The following CWC22 variants were observed in gnomAD, a reference collection of about 807,000 sequenced individuals.
The protein encoded by CWC22 is CWC22 spliceosome associated protein, also known as pre-mRNA-splicing factor CWC22 homolog.
In CWC22, 53 loss-of-function variants were observed where a neutral mutation model predicts 117.2. The ratio of observed to expected loss-of-function variants is 0.45; its 90% CI spans 0.36 to 0.57. CWC22 has a LOEUF of 0.57. CWC22 is among the 20% of genes least tolerant of loss of function. The pLI, the probability that CWC22 is intolerant of heterozygous loss-of-function variation, is 0.00. For missense variants in CWC22, 980 were observed against 1,068.8 expected (o/e 0.92, Z 1.16); for synonymous variants, 360 against 355.6 (o/e 1.01, Z -0.14).
At chr2:179,951,437 A>G (rs1461796549) in intron 17 of CWC22, among the ~76,000 whole-genome samples, 1 of 151,990 alleles carries the variant, frequency 6.6e-6, no homozygotes, top group Non-Finnish European at 1.5e-5. Context: ...AACCAGAAAG[A>G]CACTAACAAT....
In CWC22 at chr2:179,978,200, C is replaced by G. The variant is rs746434036; in HGVS notation, c.571G>C (p.Val191Leu). Reference sequence around the variant, plus strand: ...ATAGCCAATACTTACCTTCCTCTAACTATATTTTCTTGAAGAAGCTCTTGA... The same window carrying G: ...ATAGCCAATACTTACCTTCCTCTAAGTATATTTTCTTGAAGAAGCTCTTGA... ...IIQELLQENI[V>L]RGRGLLSRSV... The change falls in exon 6 of 20, where the codon GTT (valine) becomes CTT (leucine). Residue 191 changes from valine (V) to leucine (L), a missense_variant. Physicochemically the swap from Val to Leu is conservative, Grantham distance 32. This residue lies in a region of CWC22 where 559 missense variants were observed against 602.3 expected (regional missense o/e 0.93). Coordinates refer to ENST00000410053, the MANE Select transcript of CWC22 (RefSeq NM_020943.3). The G allele has an allele frequency of 6.5e-7, 1 of 1,534,402 alleles. No individual in the cohort carries two copies. The highest frequency in any genetic ancestry group is 8.7e-7 in the Non-Finnish European group (1 of 1,147,028).
chr2:179,948,345 T>G (rs1686360885), intron 19 of CWC22, among the ~76,000 whole-genome samples: 1 of 151,946 alleles, frequency 6.6e-6, no homozygotes, highest in South Asian at 2.1e-4. Flanking sequence ...TAGAAGAAAT[T>G]CAATTACTAG....
chr2:180,004,409 T>G (rs1025899921), intron 1 of CWC22, among the ~76,000 whole-genome samples: 3 of 152,158 alleles, frequency 2.0e-5, no homozygotes, highest in Non-Finnish European at 4.4e-5. Flanking sequence ...TTTTTTTTCT[T>G]GAGACAGAGG....
intron 1 of CWC22, among the ~76,000 whole-genome samples, chr2:179,996,831 T>TA (rs59254022): frequency 0.66 from 98,645 of 148,634 alleles, 32,950 homozygotes; most frequent in Middle Eastern, 0.72. Flanking sequence ...TGTTAAAAGA[T>TA]AAAAAAAAAA....
At chr2:179,982,587 G>C (rs775984200) in intron 4 of CWC22, among the ~76,000 whole-genome samples, 3 of 152,278 alleles carry the variant, frequency 2.0e-5, no homozygotes, top group Non-Finnish European at 4.4e-5. Context: ...AATATTTGAA[G>C]TTGTTTCTTG....
At chr2:179,968,444 T>G (rs981688171) in intron 11 of CWC22, among the ~76,000 whole-genome samples, 1 of 152,212 alleles carries the variant, frequency 6.6e-6, no homozygotes, top group African/African-American at 2.4e-5. Flanking sequence ...GAAACAGATA[T>G]GAGAGTCCAG....
intron 18 of CWC22, 29 bp from the exon 19 acceptor site, chr2:179,950,761 T>C (rs779706315): frequency 6.2e-7 from 1 of 1,604,798 alleles, no homozygotes; most frequent in South Asian, 1.1e-5. Flanking sequence ...TGTTAGATTC[T>C]ATTTCAAAGA....
At chr2:179,972,437 A>G (rs1261699800) in intron 8 of CWC22, among the ~76,000 whole-genome samples, 1 of 152,232 alleles carries the variant, frequency 6.6e-6, no homozygotes. Context: ...ATTAAAATCG[A>G]TCAACTCTAT....
At chr2:179,957,504 A>G (rs1287496637) in intron 14 of CWC22, among the ~76,000 whole-genome samples, 1 of 152,222 alleles carries the variant, frequency 6.6e-6, no homozygotes, top group African/African-American at 2.4e-5. Flanking sequence ...CAATATATCA[A>G]TGAATGAGTC....
intron 1 of CWC22, among the ~76,000 whole-genome samples, chr2:180,000,920 C>T (rs1478269206): frequency 6.6e-6 from 1 of 152,078 alleles, no homozygotes; most frequent in Admixed American, 6.5e-5. Flanking sequence ...CATTCATTTC[C>T]TGTATCATGA....
intron 1 of CWC22, among the ~76,000 whole-genome samples, chr2:180,003,793 C>A (rs947023628): frequency 6.6e-6 from 1 of 152,176 alleles, no homozygotes; most frequent in East Asian, 1.9e-4. Flanking sequence ...CACTAGCTAA[C>A]CCATTCCACA....
At position 179,993,373 on chromosome 2, in the gene CWC22, G is replaced by T; in HGVS notation, c.-32C>A. On this transcript the variant is annotated 5_prime_UTR_variant, in exon 2 of 20. Transcript: ENST00000410053. The stretch of plus-strand genomic sequence containing the variant: ...TTGCCAGTTGGTCCAATAAATCAAA[G>T]ATGCTTCAAACTGGTCCAAATAACA... The T allele has an allele frequency of 6.5e-7, 1 of 1,536,454 alleles. No individual in the cohort carries two copies. Among genetic ancestry groups the T allele is most frequent in the Non-Finnish European group, 8.9e-7 (1 of 1,129,732 alleles).
intron 19 of CWC22, among the ~76,000 whole-genome samples, chr2:179,949,721 T>C (rs573854215): frequency 2.0e-5 from 3 of 152,292 alleles, no homozygotes; most frequent in African/African-American, 7.2e-5. Flanking sequence ...AAAAGATATG[T>C]ACAAGAATAT....
chr2:180,003,237 G>A (rs560650158), intron 1 of CWC22, among the ~76,000 whole-genome samples: 2 of 152,236 alleles, frequency 1.3e-5, no homozygotes, highest in South Asian at 4.2e-4. Context: ...GTTAACCTGT[G>A]GAACAGCTTG....
chr2:179,959,335 T>C (rs906400033), intron 13 of CWC22, among the ~76,000 whole-genome samples: 1 of 152,148 alleles, frequency 6.6e-6, no homozygotes, highest in Admixed American at 6.5e-5. Context: ...TATGATTCCA[T>C]TTATACAAAT....
At chr2:179,958,935 T>C (rs1177057669) in intron 14 of CWC22, 87 bp downstream of exon 14, 2 of 719,898 alleles carry the variant, frequency 2.8e-6, no homozygotes, top group African/African-American at 3.6e-5. Flanking sequence ...GAGGTATTGC[T>C]TCAATCCACA....
chr2:179,952,740 C>T (rs796588375), intron 16 of CWC22, 142 bp from the exon 17 acceptor site: 4 of 456,818 alleles, frequency 8.8e-6, no homozygotes, highest in African/African-American at 4.0e-5. Context: ...AATATCTCCC[C>T]TTATGCTGAC....
At chr2:179,952,016 C>T (rs75093664) in intron 17 of CWC22, among the ~76,000 whole-genome samples, 22,078 of 151,882 alleles carry the variant, frequency 0.15, 1,978 homozygotes, top group Admixed American at 0.29. Context: ...TCTGAACAAA[C>T]AGGAAATAAG....
At chr2:179,984,984 T>C (rs1312916759) in intron 4 of CWC22, among the ~76,000 whole-genome samples, 1 of 152,040 alleles carries the variant, frequency 6.6e-6, no homozygotes, top group African/African-American at 2.4e-5. Context: ...GTATCTACTA[T>C]GTTCAGACAT....
Sources: gnomAD v4.1 joint callset for allele counts (sites outside exome capture counted in the v4.1 genomes callset) on GRCh38, gnomAD v4.1.1 for gene constraint, gnomAD v4.1.1 regional missense constraint, MANE v1.5 for transcripts, NCBI Gene and HGNC (gene_info 2026-07-23, HGNC 2026-07-21) for gene names.